Variants in ZBTB20 observed in about 807,000 individuals in gnomAD.
ZBTB20 encodes the protein zinc finger and BTB domain containing 20, also known as zinc finger and BTB domain-containing protein 20.
In ZBTB20, 9 loss-of-function variants were observed where a neutral mutation model predicts 56.9. That is an observed-to-expected ratio of 0.16 (90% CI 0.10 to 0.28). ZBTB20 has a LOEUF of 0.28. ZBTB20 is among the 10% of genes least tolerant of loss of function. The probability of loss-of-function intolerance (pLI) is 1.00; values close to 1 mark genes in which losing one functional copy is unlikely to be tolerated. For synonymous variants in ZBTB20, 417 were observed against 420.7 expected, an observed-to-expected ratio of 0.99 and a Z score of 0.11; for missense variants, 655 against 1,003.0, an observed-to-expected ratio of 0.65 and a Z score of 4.69.
chr3:114,345,291 G>A (rs764446676), intron 11 of ZBTB20, among the ~76,000 whole-genome samples: 18 of 152,154 alleles, frequency 1.2e-4, no homozygotes, highest in Non-Finnish European at 2.5e-4. Context: ...CTGTGTGTGT[G>A]TGTTTCCGCT....
intron 3 of ZBTB20, among the ~76,000 whole-genome samples, chr3:114,955,113 C>G (rs549942025): frequency 4.4e-4 from 67 of 152,286 alleles, no homozygotes; most frequent in African/African-American, 1.5e-3. Flanking sequence ...AGTTGGAGAT[C>G]AAGCTTTGAG....
chr3:115,099,921 T>C (rs1328648575), intron 1 of ZBTB20, among the ~76,000 whole-genome samples: 1 of 152,134 alleles, frequency 6.6e-6, no homozygotes, highest in African/African-American at 2.4e-5. Flanking sequence ...AAAATAGATT[T>C]GTTTGTAATT....
intron 1 of ZBTB20, among the ~76,000 whole-genome samples, chr3:115,103,890 C>A (rs1404216736): frequency 2.0e-5 from 3 of 152,102 alleles, no homozygotes; most frequent in Non-Finnish European, 4.4e-5. Context: ...GCAAAAGACA[C>A]TGTAAAGGTA....
chr3:114,812,942 C>A (rs1560279648), intron 4 of ZBTB20, among the ~76,000 whole-genome samples: 1 of 148,810 alleles, frequency 6.7e-6, no homozygotes, highest in African/African-American at 2.5e-5. Flanking sequence ...AGGCCGGCCG[C>A]TCCGAGTGCG....
chr3:115,105,932 CT>C (rs1319335461), intron 1 of ZBTB20, among the ~76,000 whole-genome samples: 1 of 152,026 alleles, frequency 6.6e-6, no homozygotes, highest in Non-Finnish European at 1.5e-5. Flanking sequence ...ATTCTCCTGC[CT>C]CAGCCTCCTG....
At chr3:114,400,663 T>A (rs1157591356) in intron 7 of ZBTB20, among the ~76,000 whole-genome samples, 2 of 152,042 alleles carry the variant, frequency 1.3e-5, no homozygotes, top group Non-Finnish European at 2.9e-5. Context: ...CAGGTGACAA[T>A]CACTGTTCCT....
chr3:114,391,304 C>T (rs766837894), intron 7 of ZBTB20, among the ~76,000 whole-genome samples: 4 of 152,204 alleles, frequency 2.6e-5, no homozygotes, highest in African/African-American at 4.8e-5. Context: ...AAAGCTGCTA[C>T]AATGTAGCCC....
intron 5 of ZBTB20, among the ~76,000 whole-genome samples, chr3:114,721,277 G>A (rs1482767757): frequency 6.6e-6 from 1 of 151,982 alleles, no homozygotes; most frequent in Non-Finnish European, 1.5e-5. Context: ...TGGGAATGGT[G>A]GACAGAAAAA....
chr3:114,787,362 TATATATACACACAC>T (rs2070596401), intron 5 of ZBTB20, among the ~76,000 whole-genome samples: 1 of 71,414 alleles, frequency 1.4e-5, no homozygotes, highest in African/African-American at 6.1e-5. Flanking sequence ...TATATATATA[TATATATACACACAC>T]ACACACACAC....
At chr3:115,018,419 T>G (rs755742113) in intron 2 of ZBTB20, among the ~76,000 whole-genome samples, 2 of 151,494 alleles carry the variant, frequency 1.3e-5, no homozygotes, top group Non-Finnish European at 3.0e-5. Context: ...ATATGTGACA[T>G]CTACTTAATT....
At position 114,935,599 on chromosome 3, in the gene ZBTB20, AATGT is replaced by A. The variant is rs2076505855; in HGVS notation, c.-455-35261_-455-35258del. On this transcript the variant is annotated intron_variant, in intron 3 of 11. Coordinates refer to ENST00000675478, the MANE Select transcript of ZBTB20 (RefSeq NM_001348800.3). ...TACTGCATTTTGTAAACTTTGGTAA[AATGT>A]ATGAAGAAGCATGTTTTCCAGTCTG... Among the ~76,000 whole-genome samples the A allele has an allele frequency of 3.3e-5, 5 of 152,152 alleles. No individual in the cohort carries two copies. The South Asian group carries it at 1.0e-3, about 32-fold the overall frequency.
chr3:114,603,035 C>T (rs948107572), intron 6 of ZBTB20, among the ~76,000 whole-genome samples: 2 of 151,964 alleles, frequency 1.3e-5, no homozygotes, highest in Non-Finnish European at 2.9e-5. Flanking sequence ...TTATATTTTA[C>T]TACCAGTGAG....
chr3:114,827,865 C>G (rs1377623434), intron 4 of ZBTB20, among the ~76,000 whole-genome samples: 2 of 151,594 alleles, frequency 1.3e-5, no homozygotes, highest in Non-Finnish European at 3.0e-5. Flanking sequence ...CTCCAGCAGA[C>G]CCTGGGCCTG....
At chr3:114,753,770 C>T (rs1560210478) in intron 5 of ZBTB20, among the ~76,000 whole-genome samples, 1 of 151,926 alleles carries the variant, frequency 6.6e-6, no homozygotes, top group Non-Finnish European at 1.5e-5. Flanking sequence ...TTGTTCCTTT[C>T]CTACCCCATT....
At chr3:114,525,721 T>C (rs2047145805) in intron 6 of ZBTB20, among the ~76,000 whole-genome samples, 1 of 152,220 alleles carries the variant, frequency 6.6e-6, no homozygotes, top group Non-Finnish European at 1.5e-5. Context: ...CAGTAAAAAC[T>C]AACACAGTGT....
At chr3:114,426,199 C>T (rs538357751) in intron 7 of ZBTB20, among the ~76,000 whole-genome samples, 8 of 151,954 alleles carry the variant, frequency 5.3e-5, no homozygotes, top group Admixed American at 3.3e-4. Context: ...ATTAGCTGGG[C>T]GTGGTGGCGG....
intron 3 of ZBTB20, among the ~76,000 whole-genome samples, chr3:114,953,200 T>A (rs1439797151): frequency 6.6e-6 from 1 of 151,592 alleles, no homozygotes; most frequent in African/African-American, 2.4e-5. Context: ...TAGAACAACC[T>A]CTAAAAACAA....
chr3:115,093,272 C>G (rs896736940), intron 1 of ZBTB20, among the ~76,000 whole-genome samples: 4 of 152,090 alleles, frequency 2.6e-5, no homozygotes, highest in African/African-American at 9.7e-5. Context: ...CATATATTTT[C>G]AGACTAAGGT....
At chr3:114,537,635 A>G (rs1333827865) in intron 6 of ZBTB20, among the ~76,000 whole-genome samples, 1 of 152,116 alleles carries the variant, frequency 6.6e-6, no homozygotes, top group Non-Finnish European at 1.5e-5. Context: ...CCCATTACTG[A>G]GTACATACCC....
Sources: allele counts gnomAD v4.1 joint callset (sites outside exome capture counted in the v4.1 genomes callset), GRCh38; gene constraint gnomAD v4.1.1; transcripts MANE v1.5; gene names NCBI Gene and HGNC (gene_info 2026-07-23, HGNC 2026-07-21).